C17orf67: variants seen among roughly 807,000 people sequenced by gnomAD.
C17orf67 encodes the protein uncharacterized protein C17orf67.
C17orf67 carries 12 observed loss-of-function variants against 11.2 expected under a neutral mutation model. The ratio of observed to expected loss-of-function variants is 1.07; its 90% CI spans 0.68 to 1.73. C17orf67 has a LOEUF of 1.73. Ranked by LOEUF, C17orf67 falls within the 40% of genes most tolerant of loss-of-function variation. C17orf67 has a pLI of 0.00. For missense variants in C17orf67, 115 were observed against 113.5 expected, an observed-to-expected ratio of 1.01 and a Z score of -0.06; for synonymous variants, 59 against 46.9, an observed-to-expected ratio of 1.26 and a Z score of -1.05.
In C17orf67 at chr17:56,795,070, A is replaced by C. The variant is rs757855634; in HGVS notation, c.267T>G (p.Pro89=). Residue 89 remains proline (P), a synonymous_variant, in exon 7 of 8, where the codon CCT becomes CCG. Transcript: ENST00000397861. ...KPHCDRNRIH[P]V is the part of the protein sequence containing the mutation. Reference sequence around the variant, plus strand: ...GAGGCTGGTCCTGATCCCCTTACACAGGATGAATCCTGTTCCTGTCACAGT... The same window carrying C: ...GAGGCTGGTCCTGATCCCCTTACACCGGATGAATCCTGTTCCTGTCACAGT... 1.2e-6 allele frequency: 2 copies of C among 1,613,742 alleles called. No homozygotes were observed. The highest frequency in any genetic ancestry group is 2.2e-5 in the East Asian group (1 of 44,862).
At chr17:56,811,511 C>T (rs889731425) in intron 6 of C17orf67, among the ~76,000 whole-genome samples, 42 of 152,142 alleles carry the variant, frequency 2.8e-4, no homozygotes, top group African/African-American at 1.0e-3. Flanking sequence ...TCCATTGTAC[C>T]AGATAACCTC....
rs939177760 is a variant in C17orf67 at position 56,833,055 on chromosome 17, T to C, written c.-714A>G. The C allele has an allele frequency of 6.6e-6, 1 of 152,274 alleles. No homozygotes were observed. Among genetic ancestry groups the C allele is most frequent in the African/African-American group, 2.4e-5 (1 of 41,458 alleles). The allele number at this position is 152,274 out of a possible 1,614,324, so 9.4% of individuals were successfully genotyped here. ...TGCTTCGGTGTGTGTTTTCTTTCCA[T>C]CTTTTATGCTAGAGGAAGTCCGCAA... On this transcript the variant is annotated 5_prime_UTR_variant, in exon 2 of 8. The change abolishes an upstream ATG in the 5' untranslated region. Coordinates refer to ENST00000397861, the MANE Select transcript of C17orf67 (RefSeq NM_001085430.4).
At chr17:56,801,033 G>C (rs1436645106) in intron 6 of C17orf67, among the ~76,000 whole-genome samples, 2 of 152,192 alleles carry the variant, frequency 1.3e-5, no homozygotes, top group African/African-American at 4.8e-5. Context: ...CAGGCAACAG[G>C]GTGAGGCTCA....
intron 6 of C17orf67, among the ~76,000 whole-genome samples, chr17:56,796,040 G>C (rs1031971313): frequency 6.6e-6 from 1 of 151,912 alleles, no homozygotes; most frequent in Non-Finnish European, 1.5e-5. Flanking sequence ...AGAAAGCTAG[G>C]GTTGCTATGC....
intron 4 of C17orf67, among the ~76,000 whole-genome samples, chr17:56,819,196 C>T (rs1171753198): frequency 6.6e-6 from 1 of 152,192 alleles, no homozygotes; most frequent in East Asian, 1.9e-4. Context: ...TGGCCACACT[C>T]ACTCACTTTC....
At chr17:56,821,016 C>G (rs552648972) in intron 4 of C17orf67, among the ~76,000 whole-genome samples, 1 of 152,086 alleles carries the variant, frequency 6.6e-6, no homozygotes, top group Non-Finnish European at 1.5e-5. Flanking sequence ...TTCCAATGAT[C>G]CTCCTGCCTC....
In C17orf67 at chr17:56,795,081, T is replaced by C; in HGVS notation, c.256A>G (p.Arg86Gly). Residue 86 changes from arginine (R) to glycine (G), a missense_variant, in exon 7 of 8, where the codon AGG (arginine) becomes GGG (glycine). By Grantham distance (125) the Arg-to-Gly change is moderately radical. Coordinates refer to ENST00000397861, the MANE Select transcript of C17orf67 (RefSeq NM_001085430.4). The part of the protein sequence containing the change: ...PHCKPHCDRN[R>G]IHPV ...TGATCCCCTTACACAGGATGAATCC[T>C]GTTCCTGTCACAGTGGGGTTTGCAG... 2 of 1,614,036 alleles carry C rather than the reference T, an allele frequency of 1.2e-6. No individual in the cohort carries two copies. The highest frequency in any genetic ancestry group is 1.7e-6 in the Non-Finnish European group (2 of 1,179,940).
chr17:56,804,184 A>G (rs1905391658), intron 6 of C17orf67: 1 of 152,244 alleles, frequency 6.6e-6, no homozygotes, highest in South Asian at 2.1e-4. Flanking sequence ...CAGTAATTAG[A>G]GCAGAAATTA....
At position 56,795,044 on chromosome 17, in the gene C17orf67, C is replaced by G; in HGVS notation, c.*20G>C. ...GTCCGGGAGAGAGAAGGAGACGTAC[C>G]GAGGCTGGTCCTGATCCCCTTACAC... On this transcript the variant is annotated splice_region_variant and 3_prime_UTR_variant, in exon 7 of 8. Transcript: ENST00000397861. 2.5e-6 allele frequency: 4 copies of G among 1,597,110 alleles called. No individual in the cohort carries two copies. Among genetic ancestry groups the G allele is most frequent in the East Asian group, 2.2e-5 (1 of 44,786 alleles).
chr17:56,816,033 T>C (rs1161717985), intron 4 of C17orf67, 23 bp from the exon 5 acceptor site: 1 of 815,414 alleles, frequency 1.2e-6, no homozygotes, highest in East Asian at 3.1e-5. Flanking sequence ...ATTGTTCCTC[T>C]GTAATATGAC....
rs549650432 is a variant in C17orf67, at chr17:56,810,352, CA to C, written c.156+4516del. Reference sequence around the variant, plus strand: ...ACATTCGAATACACACACCCTCACACACACACCCCTCACACATCCCTCACAC... The same window carrying C: ...ACATTCGAATACACACACCCTCACACCACACCCCTCACACATCCCTCACAC... On this transcript the variant is annotated intron_variant, in intron 6 of 7. Coordinates refer to ENST00000397861, the MANE Select transcript of C17orf67 (RefSeq NM_001085430.4). 4.0e-5 allele frequency among the ~76,000 whole-genome samples: 6 copies of C among 148,998 alleles called. No individual in the cohort carries two copies. The South Asian group carries it at 8.6e-4, about 21-fold the overall frequency.
intron 6 of C17orf67, among the ~76,000 whole-genome samples, chr17:56,802,346 A>G (rs190088167): frequency 2.0e-5 from 3 of 152,240 alleles, no homozygotes; most frequent in East Asian, 1.9e-4. Context: ...TACAATCTCA[A>G]AAGAAATCAT....
intron 7 of C17orf67, among the ~76,000 whole-genome samples, chr17:56,793,048 GA>G (rs1159904600): frequency 6.6e-6 from 1 of 151,342 alleles, no homozygotes; most frequent in Admixed American, 6.6e-5. Context: ...GAGGAGAGGG[GA>G]AAAGGAGGAG....
chr17:56,819,517 G>A (rs1211143925), intron 4 of C17orf67, among the ~76,000 whole-genome samples: 1 of 152,090 alleles, frequency 6.6e-6, no homozygotes, highest in Non-Finnish European at 1.5e-5. Flanking sequence ...ACCTCTGGTG[G>A]ACTGAGGTGG....
At chr17:56,803,460 G>C (rs560877565) in intron 6 of C17orf67, among the ~76,000 whole-genome samples, 1 of 152,266 alleles carries the variant, frequency 6.6e-6, no homozygotes, top group African/African-American at 2.4e-5. Context: ...ATACTCATTT[G>C]CATCTTTACT....
chr17:56,806,296 TTTTGACTC>T (rs1157699020), intron 6 of C17orf67, among the ~76,000 whole-genome samples: 45 of 152,298 alleles, frequency 3.0e-4, no homozygotes, highest in African/African-American at 1.1e-3. Flanking sequence ...TCTTTTATTC[TTTTGACTC>T]TTTCTTGGTT....
At chr17:56,815,422 A>G (rs1905735706) in intron 5 of C17orf67, among the ~76,000 whole-genome samples, 1 of 152,194 alleles carries the variant, frequency 6.6e-6, no homozygotes, top group Non-Finnish European at 1.5e-5. Flanking sequence ...TGCTTTGATA[A>G]TTACTTGCAA....
At chr17:56,826,613 T>C (rs1650057445) in intron 2 of C17orf67, among the ~76,000 whole-genome samples, 1 of 152,246 alleles carries the variant, frequency 6.6e-6, no homozygotes, top group Admixed American at 6.5e-5. Flanking sequence ...TTGGAGCTTC[T>C]TAGAAACGCA....
At chr17:56,831,951 T>A (rs574481098) in intron 2 of C17orf67, among the ~76,000 whole-genome samples, 2 of 152,240 alleles carry the variant, frequency 1.3e-5, no homozygotes, top group East Asian at 3.9e-4. Context: ...AGTTTCTTTT[T>A]CTTTCTTTTT....
Sources: gnomAD v4.1 joint callset for allele counts (sites outside exome capture counted in the v4.1 genomes callset) on GRCh38, gnomAD v4.1.1 for gene constraint, MANE v1.5 for transcripts, NCBI Gene and HGNC (gene_info 2026-07-23, HGNC 2026-07-21) for gene names.